Variants in MTM1 observed in about 807,000 individuals in gnomAD.
MTM1 encodes myotubularin 1.
A neutral mutation model predicts 52.1 loss-of-function variants in MTM1; 9 were observed. The observed-to-expected ratio is 0.17, with a 90% confidence interval of 0.10 to 0.30. The LOEUF (loss-of-function observed/expected upper bound fraction) is 0.30. Among genes scored for constraint, MTM1 ranks in the 10% least tolerant of loss-of-function variants. The probability of loss-of-function intolerance (pLI) is 1.00; values close to 1 mark genes in which losing one functional copy is unlikely to be tolerated. For missense variants in MTM1, 277 were observed against 470.7 expected, an observed-to-expected ratio of 0.59 and a Z score of 3.81; for synonymous variants, 136 against 163.8, an observed-to-expected ratio of 0.83 and a Z score of 1.29.
intron 11 of MTM1, among the ~76,000 whole-genome samples, chrX:150,658,896 C>T (rs1002927744): frequency 2.7e-5 from 3 of 112,308 alleles, no homozygotes; most frequent in Non-Finnish European, 5.6e-5. Flanking sequence ...CCTTATTGCC[C>T]AAGCTGGAGC....
At chrX:150,637,340 G>A (rs1461316757) in intron 6 of MTM1, among the ~76,000 whole-genome samples, 1 of 111,673 alleles carries the variant, frequency 9.0e-6, no homozygotes, top group Non-Finnish European at 1.9e-5. Flanking sequence ...GAGCTACATA[G>A]AGGAAAAGTG....
In MTM1 at chrX:150,655,765, A is replaced by C. The variant is rs782138190; in HGVS notation, c.1054-2056A>C. 6.2e-5 allele frequency among the ~76,000 whole-genome samples: 7 copies of C among 112,131 alleles called. No homozygotes were observed. In the South Asian group the frequency reaches 2.2e-3, roughly 36 times the overall value. On this transcript the variant is annotated intron_variant, in intron 10 of 14. Coordinates refer to ENST00000370396, the MANE Select transcript of MTM1 (RefSeq NM_000252.3). The stretch of plus-strand genomic sequence containing the variant: ...GGGAGAAAGATTGACCTTAGATGGC[A>C]CAAGTAAACTTTTTGGGTGATGCAG...
intron 4 of MTM1, among the ~76,000 whole-genome samples, chrX:150,603,227 G>A (rs189896313): frequency 5.4e-5 from 6 of 112,047 alleles, no homozygotes; most frequent in South Asian, 3.7e-4. Context: ...TTGAATGATC[G>A]GTTGGAGCTG....
chrX:150,576,121 T>C (rs1165387027), intron 1 of MTM1, among the ~76,000 whole-genome samples: 3 of 112,318 alleles, frequency 2.7e-5, no homozygotes, highest in Non-Finnish European at 3.8e-5. Context: ...GCTAATACTT[T>C]CTTTAGGATT....
At chrX:150,653,245 G>A (rs1557414284) in intron 10 of MTM1, among the ~76,000 whole-genome samples, 1 of 110,982 alleles carries the variant, frequency 9.0e-6, no homozygotes, top group African/African-American at 3.3e-5. Context: ...GTTGGACCTT[G>A]AATACTGGTT....
chrX:150,663,995 G>A (rs1164721422), intron 14 of MTM1, among the ~76,000 whole-genome samples: 1 of 111,659 alleles, frequency 9.0e-6, no homozygotes, highest in Non-Finnish European at 1.9e-5. Context: ...CTCTCATTCA[G>A]GTGTATGCAC....
upstream of MTM1, among the ~76,000 whole-genome samples, chrX:150,568,120 T>A (rs1557411288): frequency 8.9e-6 from 1 of 112,498 alleles, no homozygotes. Context: ...AAATTTCTTT[T>A]TCCCTTATAC....
intron 9 of MTM1, among the ~76,000 whole-genome samples, chrX:150,646,938 C>T (rs1449714414): frequency 9.0e-6 from 1 of 111,361 alleles, no homozygotes; most frequent in African/African-American, 3.3e-5. Context: ...ATCTTCTGTC[C>T]TACACATTTA....
intron 1 of MTM1, among the ~76,000 whole-genome samples, chrX:150,574,024 G>A (rs1481253413): frequency 1.8e-5 from 2 of 111,608 alleles, no homozygotes; most frequent in Admixed American, 1.9e-4. Flanking sequence ...TGAGTTTCCT[G>A]GTTCTGAGGT....
At chrX:150,633,804 G>T (rs2039710284) in intron 6 of MTM1, among the ~76,000 whole-genome samples, 2 of 112,345 alleles carry the variant, frequency 1.8e-5, no homozygotes, top group Middle Eastern at 4.6e-3. Flanking sequence ...GGCCAAGGTG[G>T]GTAGATTGCC....
At chrX:150,668,502 CAT>C in intron 14 of MTM1, among the ~76,000 whole-genome samples, 1 of 93,467 alleles carries the variant, frequency 1.1e-5, no homozygotes, top group Admixed American at 1.3e-4. Flanking sequence ...GCCTAGGCAA[CAT>C]AGTGAGACCC....
At chrX:150,665,235 G>C (rs1232890641) in intron 14 of MTM1, among the ~76,000 whole-genome samples, 2 of 112,034 alleles carry the variant, frequency 1.8e-5, no homozygotes, top group Non-Finnish European at 3.8e-5. Flanking sequence ...TATCTCCCTA[G>C]GCACTTTGTG....
At chrX:150,612,628 C>T (rs978627709) in intron 4 of MTM1, among the ~76,000 whole-genome samples, 1 of 109,253 alleles carries the variant, frequency 9.2e-6, no homozygotes, top group Admixed American at 9.7e-5. Context: ...GAGGATCACT[C>T]GAGCCCAGGA....
intron 6 of MTM1, among the ~76,000 whole-genome samples, chrX:150,632,025 CTT>C (rs1342648263): frequency 2.7e-5 from 3 of 112,171 alleles, no homozygotes; most frequent in Non-Finnish European, 5.6e-5. Flanking sequence ...CCTTGTTCCT[CTT>C]CTTTTTCTTT....
chrX:150,612,088 G>C (rs782524788), intron 4 of MTM1, among the ~76,000 whole-genome samples: 2 of 109,509 alleles, frequency 1.8e-5, no homozygotes, highest in South Asian at 8.0e-4. Flanking sequence ...CCAGCTACTT[G>C]GGAGGCTGAG....
intron 14 of MTM1, among the ~76,000 whole-genome samples, chrX:150,670,138 T>A (rs2040372756): frequency 8.9e-6 from 1 of 112,473 alleles, no homozygotes; most frequent in Non-Finnish European, 1.9e-5. Context: ...CCTAAATGTA[T>A]ACGTATGTCA....
intron 6 of MTM1, among the ~76,000 whole-genome samples, chrX:150,630,056 T>C (rs1296686464): frequency 8.1e-5 from 9 of 111,717 alleles, no homozygotes; most frequent in Non-Finnish European, 1.7e-4. Flanking sequence ...GTAACACAGG[T>C]TTGAGGGATT....
At chrX:150,661,208 G>T (rs1939118238) in intron 13 of MTM1, among the ~76,000 whole-genome samples, 1 of 110,375 alleles carries the variant, frequency 9.1e-6, no homozygotes, top group African/African-American at 3.3e-5. Flanking sequence ...AGTTTTAGTA[G>T]TGATGGGGTT....
chrX:150,645,202 G>A (rs1210279826), intron 8 of MTM1, among the ~76,000 whole-genome samples: 1 of 111,360 alleles, frequency 9.0e-6, no homozygotes, highest in Non-Finnish European at 1.9e-5. Flanking sequence ...GTTTTGCTCT[G>A]CTCAGGTTTT....
Sources: gnomAD v4.1 joint callset for allele counts (sites outside exome capture counted in the v4.1 genomes callset) on GRCh38, gnomAD v4.1.1 for gene constraint, MANE v1.5 for transcripts, NCBI Gene and HGNC (gene_info 2026-07-23, HGNC 2026-07-21) for gene names.